PTBP1: variants seen among roughly 807,000 people sequenced by gnomAD.
PTBP1 encodes polypyrimidine tract-binding protein 1.
In PTBP1, 8 loss-of-function variants were observed where a neutral mutation model predicts 59.8. The observed-to-expected ratio is 0.13, with a 90% CI of 0.08 to 0.24. The LOEUF is 0.24. Ranked by LOEUF, PTBP1 falls within the 10% of genes least tolerant of loss-of-function variation. The pLI is 1.00. For synonymous variants in PTBP1, 490 were observed against 320.7 expected (o/e 1.53, Z -5.64); for missense variants, 686 against 767.0 (o/e 0.89, Z 1.25).
chr19:808,276 T>TG lies in PTBP1; in HGVS notation c.1154-79dup. On this transcript the variant is annotated intron_variant, in intron 11 of 14. Transcript: ENST00000356948. The surrounding 1 kb of genome is among the most constrained non-coding windows in gnomAD (Gnocchi z 4.7). ...CCCGGCCGGGCTGAGCCGGGCCTTG[T>TG]GGGGGTGCGCGGGGCCGGGGCTGAC... 8.7e-7 allele frequency: 1 copy of TG among 1,152,868 alleles called. No homozygotes were observed. Among genetic ancestry groups the TG allele is most frequent in the African/African-American group, 1.5e-5 (1 of 65,226 alleles). The allele number at this position is 1,152,868 out of a possible 1,614,324, so 71.4% of individuals were successfully genotyped here.
rs371669852 is a variant in PTBP1 at position 801,570 on chromosome 19, G to A, written c.40-1991G>A. ...TTTGTGCAGCCAGCACATGGGAGCC[G>A]CATGGGCGCTTGGCCACTCTCCAGC... On this transcript the variant is annotated intron_variant, in intron 2 of 14. Transcript: ENST00000356948. Among the ~76,000 whole-genome samples the A allele has an allele frequency of 2.8e-4, 42 of 152,380 alleles. No homozygotes were observed. In the East Asian group the frequency reaches 6.0e-3, roughly 22 times the overall value.
In PTBP1 at chr19:806,400, T is replaced by C. The variant is rs754924649; in HGVS notation, c.971-8T>C. Reference sequence around the variant, plus strand: ...CGCCGCCGCTCATCTCACCTCCTGCTTTTCCAGGCCTTTCCGTTCCGAACG... The same window carrying C: ...CGCCGCCGCTCATCTCACCTCCTGCCTTTCCAGGCCTTTCCGTTCCGAACG... On this transcript the variant is annotated splice_polypyrimidine_tract_variant and splice_region_variant and intron_variant, in intron 9 of 14. Coordinates refer to ENST00000356948, the MANE Select transcript of PTBP1 (RefSeq NM_002819.5). 3.1e-6 allele frequency: 5 copies of C among 1,597,108 alleles called. No homozygotes were observed. The Admixed American group carries it at 6.9e-5, about 22-fold the overall frequency.
chr19:808,291 C>A lies in PTBP1; in HGVS notation c.1154-69C>A, dbSNP rs893074482. 7.5e-7 allele frequency: 1 copy of A among 1,328,872 alleles called. No homozygotes were observed. The highest frequency in any genetic ancestry group is 1.3e-5 in the South Asian group (1 of 79,378). The allele number at this position is 1,328,872 out of a possible 1,614,324, so 82.3% of individuals were successfully genotyped here. On this transcript the variant is annotated intron_variant, in intron 11 of 14. Coordinates refer to ENST00000356948, the MANE Select transcript of PTBP1 (RefSeq NM_002819.5). The surrounding 1 kb of genome is among the most constrained non-coding windows in gnomAD (Gnocchi z 4.7). ...CCGGGCCTTGTGGGGGTGCGCGGGGCCGGGGCTGACGGGGAGATGGGCGGG... is the reference window on the plus strand; with the variant it reads ...CCGGGCCTTGTGGGGGTGCGCGGGGACGGGGCTGACGGGGAGATGGGCGGG...
In PTBP1 at chr19:810,939, A is replaced by G; in HGVS notation, c.*113A>G. ...AGCAGACCAGAGATTTTATTTTTTT[A>G]AAGAGAAATCAGTTTACCTGTTTTT... On this transcript the variant is annotated 3_prime_UTR_variant, in exon 15 of 15. Coordinates refer to ENST00000356948, the MANE Select transcript of PTBP1 (RefSeq NM_002819.5). The G allele has an allele frequency of 1.7e-6, 2 of 1,147,764 alleles. No individual in the cohort carries two copies. The highest frequency in any genetic ancestry group is 2.4e-6 in the Non-Finnish European group (2 of 846,316). 71.1% of individuals were successfully genotyped at this position (1,147,764 alleles called of 1,614,324 possible).
chr19:807,928 A>G (rs1178039274), intron 11 of PTBP1, 26 bp downstream of exon 11: 4 of 1,599,012 alleles, frequency 2.5e-6, no homozygotes, highest in Non-Finnish European at 3.4e-6. Flanking sequence ...CACTTTTATT[A>G]CCTTGTTTTC....
chr19:804,970 C>T (rs2034495885), intron 7 of PTBP1, 31 bp downstream of exon 7: 2 of 1,612,136 alleles, frequency 1.2e-6, no homozygotes, highest in African/African-American at 1.3e-5. Flanking sequence ...GGCGCCCGCC[C>T]TGGCCCTGGC....
intron 4 of PTBP1, 34 bp from the exon 5 acceptor site, chr19:804,258 G>A (rs201953514): frequency 1.4e-5 from 22 of 1,612,100 alleles, no homozygotes; most frequent in South Asian, 6.6e-5. Context: ...AGGCGGGGAC[G>A]AGGAGGGCCC....
Position 808,160 on chromosome 19 carries a change from C to A in PTBP1, c.1154-200C>A. On this transcript the variant is annotated intron_variant, in intron 11 of 14. Coordinates refer to ENST00000356948, the MANE Select transcript of PTBP1 (RefSeq NM_002819.5). The surrounding 1 kb of genome is among the most constrained non-coding windows in gnomAD (Gnocchi z 4.7). Reference sequence around the variant, plus strand: ...GGCCACCCGCTGGCAGCTTACCTGTCCTGGATGCTATGACTTTGCTGAACG... The same window carrying A: ...GGCCACCCGCTGGCAGCTTACCTGTACTGGATGCTATGACTTTGCTGAACG... The A allele has an allele frequency of 1.6e-6, 1 of 638,614 alleles. No individual in the cohort carries two copies. The highest frequency in any genetic ancestry group is 2.8e-6 in the Non-Finnish European group (1 of 357,118). 39.6% of individuals were successfully genotyped at this position (638,614 alleles called of 1,614,324 possible).
At chr19:805,229 T>A in intron 8 of PTBP1, 42 bp downstream of exon 8, 1 of 1,603,512 alleles carries the variant, frequency 6.2e-7, no homozygotes, top group Non-Finnish European at 8.5e-7. Context: ...CAGAGTGGTC[T>A]ATTAGGGCCG....
In PTBP1 at chr19:808,130, AC is replaced by A; in HGVS notation, c.1154-228del. ...GTTAGACCTGTCGGTGGCATATGCC[AC>A]CGTGGCCACCCGCTGGCAGCTTACC... On this transcript the variant is annotated intron_variant, in intron 11 of 14. Coordinates refer to ENST00000356948, the MANE Select transcript of PTBP1 (RefSeq NM_002819.5). This position sits in a 1 kb window ranked among gnomAD's most constrained non-coding sequence, Gnocchi z 4.7. The A allele has an allele frequency of 1.6e-6, 1 of 629,064 alleles. No homozygotes were observed. The highest frequency in any genetic ancestry group is 1.9e-5 in the South Asian group (1 of 51,634). 39.0% of individuals were successfully genotyped at this position (629,064 alleles called of 1,614,324 possible).
rs758313461 is a variant in PTBP1 at position 804,225 on chromosome 19, T to G, written c.288+17T>G. 1 of 1,607,616 alleles carries G rather than the reference T, an allele frequency of 6.2e-7. No homozygotes were observed. The highest frequency in any genetic ancestry group is 8.5e-7 in the Non-Finnish European group (1 of 1,175,644). On this transcript the variant is annotated intron_variant, in intron 4 of 14. Transcript: ENST00000356948. ...AAAAACCAGGTACCTGAGCCGCGTT[T>G]CTCCGGGGTGCTCACACCGTGCAGG...
Position 804,923 on chromosome 19 carries a change from C to G in PTBP1, c.701C>G (p.Ala234Gly). Residue 234 changes from alanine (A) to glycine (G), a missense_variant, in exon 7 of 15, where the codon GCC becomes GGC. Transcript: ENST00000356948. ...CTGCAGTATGCGGACCCCGTGAGCGCCCAGCACGCCAAGCTGGTGAGTGGG... is the reference window on the plus strand; with the variant it reads ...CTGCAGTATGCGGACCCCGTGAGCGGCCAGCACGCCAAGCTGGTGAGTGGG... Reference protein sequence around the residue: ...ALLQYADPVSAQHAKLSLDGQ... With the variant: ...ALLQYADPVSGQHAKLSLDGQ... 1 of 1,613,810 alleles carries G rather than the reference C, an allele frequency of 6.2e-7. No individual in the cohort carries two copies. The highest frequency in any genetic ancestry group is 8.5e-7 in the Non-Finnish European group (1 of 1,179,840).
At chr19:797,623 G>A in intron 1 of PTBP1, 118 bp downstream of exon 1, 1 of 616,066 alleles carries the variant, frequency 1.6e-6, no homozygotes. Flanking sequence ...GGGGGCGGCG[G>A]GCTCTCCCCT....
intron 11 of PTBP1, 62 bp downstream of exon 11, chr19:807,964 T>G: frequency 6.9e-7 from 1 of 1,447,780 alleles, no homozygotes; most frequent in Non-Finnish European, 9.7e-7. Flanking sequence ...TTTGATGCCC[T>G]GAGACGTATT....
At position 805,558 on chromosome 19, in the gene PTBP1, C is replaced by T; in HGVS notation, c.959C>T (p.Pro320Leu). Reference protein sequence around the residue: ...GAGFPPTFAIPQAAGLSVPNV... With the variant: ...GAGFPPTFAILQAAGLSVPNV... The stretch of plus-strand genomic sequence containing the variant: ...GGTTTCCCTCCCACCTTTGCCATTC[C>T]TCAAGCTGCAGGTATTCAAACGCTT... Residue 320 changes from proline (P) to leucine (L), a missense_variant, in exon 9 of 15, where the codon CCT becomes CTT. Coordinates refer to ENST00000356948, the MANE Select transcript of PTBP1 (RefSeq NM_002819.5). 6.2e-7 allele frequency: 1 copy of T among 1,613,636 alleles called. No individual in the cohort carries two copies. The highest frequency in any genetic ancestry group is 8.5e-7 in the Non-Finnish European group (1 of 1,179,528).
chr19:806,474 C>G lies in PTBP1; in HGVS notation c.1037C>G (p.Ala346Gly). The G allele has an allele frequency of 6.3e-7, 1 of 1,591,994 alleles. No homozygotes were observed. The highest frequency in any genetic ancestry group is 8.5e-7 in the Non-Finnish European group (1 of 1,170,490). Residue 346 changes from alanine (A) to glycine (G), a missense_variant, in exon 10 of 15, where the codon GCT becomes GGT. By Grantham distance (60) the Ala-to-Gly change is moderately conservative. Transcript: ENST00000356948. ...PLAIPSAAAA[A>G]AAAGRIAIPG... ...GCCATCCCCTCGGCGGCGGCGGCAG[C>G]TGCGGCGGCAGGTCGGATCGCCATC...
At chr19:805,608 T>G in intron 9 of PTBP1, 39 bp downstream of exon 9, 5 of 1,529,776 alleles carry the variant, frequency 3.3e-6, no homozygotes, top group Non-Finnish European at 4.5e-6. Flanking sequence ...AGCGACTGCA[T>G]GCCCACACCA....
intron 13 of PTBP1, among the ~76,000 whole-genome samples, chr19:809,956 G>A (rs1001895479): frequency 2.0e-5 from 3 of 152,228 alleles, no homozygotes; most frequent in Non-Finnish European, 4.4e-5. Context: ...CCCCAAGCAT[G>A]TCAACCAGTA....
intron 2 of PTBP1, among the ~76,000 whole-genome samples, chr19:803,075 A>G (rs940055854): frequency 1.3e-5 from 2 of 152,118 alleles, no homozygotes; most frequent in African/African-American, 2.4e-5. Flanking sequence ...AGGCAGCGCT[A>G]TAATTTGGTT....
Sources: allele counts gnomAD v4.1 joint callset (sites outside exome capture counted in the v4.1 genomes callset), GRCh38; gene constraint gnomAD v4.1.1; non-coding constraint Gnocchi (gnomAD v3.1); transcripts MANE v1.5; gene names NCBI Gene and HGNC (gene_info 2026-07-23, HGNC 2026-07-21).